The following EXOC6 variants were observed in gnomAD, a reference collection of about 807,000 sequenced individuals.
EXOC6 encodes the protein exocyst complex component 6.
EXOC6 carries 60 observed loss-of-function variants against 112.5 expected under a neutral mutation model. The ratio of observed to expected loss-of-function variants is 0.53; its 90% confidence interval spans 0.43 to 0.66. The LOEUF is 0.66. Among genes scored for constraint, EXOC6 ranks in the 30% least tolerant of loss-of-function variants. The pLI is 0.00. For missense variants in EXOC6, 855 were observed against 957.1 expected (o/e 0.89, Z 1.41); for synonymous variants, 295 against 308.0 (o/e 0.96, Z 0.44).
At chr10:92,930,500 T>C (rs1170970271) in intron 9 of EXOC6, among the ~76,000 whole-genome samples, 1 of 122,724 alleles carries the variant, frequency 8.1e-6, no homozygotes, top group African/African-American at 3.6e-5. Flanking sequence ...TGAGACTCTG[T>C]CTCAAATAAT....
intron 5 of EXOC6, among the ~76,000 whole-genome samples, chr10:92,902,781 C>T (rs985397505): frequency 2.6e-5 from 4 of 152,254 alleles, no homozygotes; most frequent in African/African-American, 4.8e-5. Flanking sequence ...CCTCCCTTCT[C>T]TAGAAATAAC....
At chr10:92,827,426 A>G (rs1190913562) in intron 1 of EXOC6, among the ~76,000 whole-genome samples, 1 of 129,986 alleles carries the variant, frequency 7.7e-6, no homozygotes, top group Non-Finnish European at 1.6e-5. Context: ...GTGAGACGAG[A>G]TGGCACCACT....
intron 17 of EXOC6, among the ~76,000 whole-genome samples, chr10:92,969,842 C>T (rs1307955327): frequency 6.6e-6 from 1 of 152,006 alleles, no homozygotes; most frequent in South Asian, 2.1e-4. Flanking sequence ...TATAGGCGTA[C>T]ACCACCACGC....
rs552948498 is a variant in EXOC6, at chr10:93,019,135, G to A, written c.2169+4868G>A. ...TTTATTTATTTTGAGACCAGATTAT[G>A]AGACTGGCTAGTTTTTGTATTTTTG... On this transcript the variant is annotated intron_variant, in intron 20 of 21. Coordinates refer to ENST00000260762, the MANE Select transcript of EXOC6 (RefSeq NM_019053.6). 1.5e-4 allele frequency among the ~76,000 whole-genome samples: 23 copies of A among 152,110 alleles called. No homozygotes were observed. In the East Asian group the frequency reaches 4.2e-3, roughly 28 times the overall value.
intron 20 of EXOC6, among the ~76,000 whole-genome samples, chr10:93,051,004 A>C (rs1170278627): frequency 6.6e-6 from 1 of 152,160 alleles, no homozygotes; most frequent in African/African-American, 2.4e-5. Flanking sequence ...TGATAAAATT[A>C]ATTTTAATAA....
chr10:92,929,186 A>C (rs968922164), intron 9 of EXOC6, among the ~76,000 whole-genome samples: 1 of 152,340 alleles, frequency 6.6e-6, no homozygotes, highest in East Asian at 1.9e-4. Context: ...GCTAGAGATA[A>C]AACCATCTAA....
chr10:92,836,070 C>G (rs1846648322), intron 1 of EXOC6, among the ~76,000 whole-genome samples: 1 of 152,142 alleles, frequency 6.6e-6, no homozygotes, highest in Non-Finnish European at 1.5e-5. Flanking sequence ...TAGTTAAGTG[C>G]TAGATGCTAG....
chr10:92,850,036 G>A (rs61860814), intron 1 of EXOC6, among the ~76,000 whole-genome samples: 1 of 152,134 alleles, frequency 6.6e-6, no homozygotes, highest in Admixed American at 6.5e-5. Flanking sequence ...TTAATAAACT[G>A]TATACTTGGT....
rs776905084 is a variant in EXOC6 at position 92,893,476 on chromosome 10, A to G, written c.229A>G (p.Ile77Val). 1.8e-5 allele frequency: 29 copies of G among 1,612,200 alleles called. No individual in the cohort carries two copies. In the South Asian group the frequency reaches 2.5e-4, roughly 14 times the overall value. Residue 77 changes from isoleucine (I) to valine (V), a missense_variant, in exon 2 of 22, where the codon ATT (isoleucine) becomes GTT (valine). Transcript: ENST00000260762. Reference protein sequence around the residue: ...NFHHQGFVDAITELLKVRTDA... With the variant: ...NFHHQGFVDAVTELLKVRTDA... Reference sequence around the variant, plus strand: ...TCATCATCAGGGTTTTGTAGATGCTATTACAGAACTCCTTAAAGTAAGGAC... The same window carrying G: ...TCATCATCAGGGTTTTGTAGATGCTGTTACAGAACTCCTTAAAGTAAGGAC...
chr10:92,943,930 A>G (rs1483092479), intron 13 of EXOC6, among the ~76,000 whole-genome samples: 1 of 152,220 alleles, frequency 6.6e-6, no homozygotes, highest in East Asian at 1.9e-4. Flanking sequence ...CCTATAAATC[A>G]GAAATCAGGC....
intron 20 of EXOC6, among the ~76,000 whole-genome samples, chr10:93,030,520 GT>G (rs1194949332): frequency 6.6e-6 from 1 of 152,170 alleles, no homozygotes; most frequent in African/African-American, 2.4e-5. Context: ...AGCATGAACA[GT>G]AACACAGGAT....
chr10:92,978,043 A>G (rs77888857), intron 18 of EXOC6, among the ~76,000 whole-genome samples: 1,624 of 152,324 alleles, frequency 0.011, 32 homozygotes, highest in African/African-American at 0.037. Context: ...ATAAATTTTT[A>G]TAGACCAATA....
At chr10:92,892,206 A>T (rs912655889) in intron 1 of EXOC6, among the ~76,000 whole-genome samples, 3 of 150,746 alleles carry the variant, frequency 2.0e-5, no homozygotes, top group African/African-American at 7.4e-5. Context: ...TGTTTGTTAC[A>T]GCAAAAACAA....
chr10:93,011,570 T>C (rs1274603861), intron 19 of EXOC6, among the ~76,000 whole-genome samples: 2 of 152,138 alleles, frequency 1.3e-5, no homozygotes, highest in East Asian at 3.9e-4. Context: ...CCAAAAAAAG[T>C]ATTTTTTTAA....
intron 19 of EXOC6, among the ~76,000 whole-genome samples, chr10:93,005,044 G>C (rs1224335181): frequency 6.6e-6 from 1 of 152,178 alleles, no homozygotes; most frequent in African/African-American, 2.4e-5. Context: ...AGGGAATACA[G>C]TGGTAAGCAA....
intron 17 of EXOC6, among the ~76,000 whole-genome samples, chr10:92,961,538 T>C (rs571111297): frequency 7.9e-5 from 12 of 152,118 alleles, no homozygotes; most frequent in African/African-American, 2.7e-4. Flanking sequence ...TGTAGGTCCC[T>C]TCGTAAATAG....
At chr10:92,949,267 TA>T (rs2133999895) in intron 14 of EXOC6, among the ~76,000 whole-genome samples, 1 of 151,960 alleles carries the variant, frequency 6.6e-6, no homozygotes, top group South Asian at 2.1e-4. Context: ...GTTGTATTTT[TA>T]TACATAAACT....
chr10:93,001,932 T>G (rs945668668), intron 19 of EXOC6, among the ~76,000 whole-genome samples: 5 of 152,242 alleles, frequency 3.3e-5, no homozygotes, highest in African/African-American at 1.2e-4. Context: ...TTTAACTATC[T>G]TCTCTTTCAT....
At chr10:93,016,792 G>C (rs993696606) in intron 20 of EXOC6, among the ~76,000 whole-genome samples, 5 of 151,378 alleles carry the variant, frequency 3.3e-5, no homozygotes, top group African/African-American at 7.3e-5. Flanking sequence ...CTTGTCAATT[G>C]GTGTCTTTTA....
Sources: gnomAD v4.1 joint callset for allele counts (sites outside exome capture counted in the v4.1 genomes callset) on GRCh38, gnomAD v4.1.1 for gene constraint, MANE v1.5 for transcripts, NCBI Gene and HGNC (gene_info 2026-07-23, HGNC 2026-07-21) for gene names.